RAB3C: variants seen among roughly 807,000 people sequenced by gnomAD.
RAB3C encodes the protein RAB3C, member RAS oncogene family, also known as ras-related protein Rab-3C.
Under a neutral mutation model 26.4 loss-of-function variants are expected in RAB3C, and 17 were observed. The ratio of observed to expected loss-of-function variants is 0.64; its 90% CI spans 0.44 to 0.97. The LOEUF (loss-of-function observed/expected upper bound fraction) is 0.97. Among genes scored for constraint, RAB3C ranks in the 50% least tolerant of loss-of-function variants. The pLI is 0.00. For missense variants in RAB3C, 242 were observed against 281.9 expected, an observed-to-expected ratio of 0.86 and a Z score of 1.01; for synonymous variants, 91 against 95.9, an observed-to-expected ratio of 0.95 and a Z score of 0.30.
intron 2 of RAB3C, among the ~76,000 whole-genome samples, chr5:58,663,332 G>A (rs1047744847): frequency 6.7e-6 from 1 of 149,994 alleles, no homozygotes; most frequent in Non-Finnish European, 1.5e-5. Flanking sequence ...ACTGGCAAAT[G>A]TGTATTATAA....
intron 2 of RAB3C, among the ~76,000 whole-genome samples, chr5:58,635,402 G>C (rs1747268390): frequency 6.6e-6 from 1 of 152,188 alleles, no homozygotes; most frequent in African/African-American, 2.4e-5. Flanking sequence ...AGAAAGCAGT[G>C]AATTGGTGAC....
chr5:58,758,711 A>C (rs1741728802), intron 3 of RAB3C, among the ~76,000 whole-genome samples: 1 of 152,212 alleles, frequency 6.6e-6, no homozygotes, highest in Non-Finnish European at 1.5e-5. Context: ...AGTAAACATA[A>C]ACACCAGAGC....
intron 2 of RAB3C, among the ~76,000 whole-genome samples, chr5:58,711,151 A>G (rs1393046330): frequency 6.6e-6 from 1 of 152,198 alleles, no homozygotes; most frequent in Non-Finnish European, 1.5e-5. Context: ...ATGGAGAGCG[A>G]AAAGGAGAGC....
intron 3 of RAB3C, among the ~76,000 whole-genome samples, chr5:58,738,507 T>C: frequency 6.6e-6 from 1 of 150,714 alleles, no homozygotes; most frequent in Non-Finnish European, 1.5e-5. Flanking sequence ...CAGAAGGAGC[T>C]AAGAGAATAG....
chr5:58,793,012 T>C (rs1742563631), intron 3 of RAB3C, among the ~76,000 whole-genome samples: 1 of 152,170 alleles, frequency 6.6e-6, no homozygotes, highest in Admixed American at 6.5e-5. Flanking sequence ...TATATTATTG[T>C]TCTAAAATTC....
chr5:58,853,189 A>T lies in RAB3C; in HGVS notation c.*1838A>T, dbSNP rs938524700. The T allele has an allele frequency of 3.3e-5, 5 of 152,210 alleles. No individual in the cohort carries two copies. The highest frequency in any genetic ancestry group is 1.2e-4 in the African/African-American group (5 of 41,464). 9.4% of individuals were successfully genotyped at this position (152,210 alleles called of 1,614,324 possible). ...TTTTTAATGGGGCAACCAACTTCAA[A>T]ATCACAGGAATTACAGTGACGGGAG... On this transcript the variant is annotated 3_prime_UTR_variant, in exon 5 of 5. Coordinates refer to ENST00000282878, the MANE Select transcript of RAB3C (RefSeq NM_138453.4).
intron 2 of RAB3C, among the ~76,000 whole-genome samples, chr5:58,688,614 G>C (rs1748495943): frequency 6.6e-6 from 1 of 152,042 alleles, no homozygotes; most frequent in African/African-American, 2.4e-5. Flanking sequence ...TGTCTTCTCA[G>C]GCCATAGGTT....
In RAB3C at chr5:58,617,701, A is replaced by C. The variant is rs200827264; in HGVS notation, c.83A>C (p.Asp28Ala). The C allele has an allele frequency of 1.1e-4, 179 of 1,613,906 alleles. No individual in the cohort carries two copies. The highest frequency in any genetic ancestry group is 1.4e-4 in the Non-Finnish European group (168 of 1,179,936). ...AAAGACTCCTCTGATCAGAACTTTGACTACATGTTCAAATTACTCATCATC... is the reference window on the plus strand; with the variant it reads ...AAAGACTCCTCTGATCAGAACTTTGCCTACATGTTCAAATTACTCATCATC... Reference protein sequence around the residue: ...GQKDSSDQNFDYMFKLLIIGN... With the variant: ...GQKDSSDQNFAYMFKLLIIGN... Residue 28 changes from aspartate (D) to alanine (A), a missense_variant, in exon 2 of 5, where the codon GAC (aspartate) becomes GCC (alanine). Transcript: ENST00000282878.
chr5:58,739,562 A>G (rs1017847975), intron 3 of RAB3C, among the ~76,000 whole-genome samples: 6 of 152,190 alleles, frequency 3.9e-5, no homozygotes, highest in African/African-American at 7.2e-5. Flanking sequence ...AAAAAATTAG[A>G]AAAAACAGCA....
intron 2 of RAB3C, among the ~76,000 whole-genome samples, chr5:58,626,929 G>T (rs1483993897): frequency 6.6e-6 from 1 of 152,110 alleles, no homozygotes; most frequent in Non-Finnish European, 1.5e-5. Flanking sequence ...TGACAAGGTG[G>T]CATATCTTCT....
chr5:58,684,703 C>T (rs1435192306), intron 2 of RAB3C, among the ~76,000 whole-genome samples: 1 of 152,146 alleles, frequency 6.6e-6, no homozygotes, highest in Non-Finnish European at 1.5e-5. Flanking sequence ...GCAGGAATAG[C>T]ACTGCCAAAT....
chr5:58,793,418 G>C (rs1056271783), intron 3 of RAB3C, among the ~76,000 whole-genome samples: 2 of 151,896 alleles, frequency 1.3e-5, no homozygotes, highest in African/African-American at 2.4e-5. Flanking sequence ...TTAGCTGGGC[G>C]TGGTGGCACA....
At chr5:58,726,197 AC>A in intron 3 of RAB3C, 77 bp downstream of exon 3, 1 of 698,858 alleles carries the variant, frequency 1.4e-6, no homozygotes, top group Non-Finnish European at 2.4e-6. Flanking sequence ...CAAAGCAGTG[AC>A]CATACCGCAA....
chr5:58,589,435 C>G (rs1232241426), intron 1 of RAB3C, among the ~76,000 whole-genome samples: 1 of 152,134 alleles, frequency 6.6e-6, no homozygotes. Context: ...CTGAGAAGTA[C>G]TCTTTGCCCC....
intron 1 of RAB3C, chr5:58,617,437 A>C (rs772566486): frequency 9.3e-6 from 7 of 754,222 alleles, no homozygotes; most frequent in Admixed American, 1.7e-5. Flanking sequence ...AAAGGCCTGT[A>C]AGATTTGCTA....
chr5:58,845,781 C>T (rs990850189), intron 4 of RAB3C, among the ~76,000 whole-genome samples: 1 of 151,408 alleles, frequency 6.6e-6, no homozygotes, highest in Non-Finnish European at 1.5e-5. Flanking sequence ...CAGGACTGTG[C>T]CACCTTCATC....
chr5:58,841,347 G>A (rs1237979150), intron 4 of RAB3C, among the ~76,000 whole-genome samples: 1 of 152,212 alleles, frequency 6.6e-6, no homozygotes. Context: ...CAGGACCAGA[G>A]TCATAGCTGA....
At chr5:58,766,518 C>T (rs1741910223) in intron 3 of RAB3C, among the ~76,000 whole-genome samples, 1 of 152,188 alleles carries the variant, frequency 6.6e-6, no homozygotes, top group South Asian at 2.1e-4. Flanking sequence ...ACAAAGCTGC[C>T]TCGTAGCACC....
chr5:58,680,188 G>C (rs28661136), intron 2 of RAB3C, among the ~76,000 whole-genome samples: 97 of 152,238 alleles, frequency 6.4e-4, no homozygotes, highest in African/African-American at 2.0e-3. Flanking sequence ...TAAAAAAAAT[G>C]AGATAACCCA....
Sources: gnomAD v4.1 joint callset for allele counts (sites outside exome capture counted in the v4.1 genomes callset) on GRCh38, gnomAD v4.1.1 for gene constraint, MANE v1.5 for transcripts, NCBI Gene and HGNC (gene_info 2026-07-23, HGNC 2026-07-21) for gene names.